The following ST6GALNAC3 variants were observed in gnomAD, a reference collection of about 807,000 sequenced individuals.
The protein encoded by ST6GALNAC3 is alpha-N-acetylgalactosaminide alpha-2,6-sialyltransferase 3.
Under a neutral mutation model 32.7 loss-of-function variants are expected in ST6GALNAC3, and 25 were observed. The ratio of observed to expected loss-of-function variants is 0.76; its 90% CI spans 0.56 to 1.07. The LOEUF is 1.07. Ranked by LOEUF, ST6GALNAC3 falls within the 50% of genes least tolerant of loss-of-function variation. ST6GALNAC3 has a pLI of 0.00. For synonymous variants in ST6GALNAC3, 129 were observed against 133.1 expected, an observed-to-expected ratio of 0.97 and a Z score of 0.21; for missense variants, 355 against 382.4, an observed-to-expected ratio of 0.93 and a Z score of 0.60.
At chr1:76,193,729 A>C (rs1030449251) in intron 1 of ST6GALNAC3, among the ~76,000 whole-genome samples, 2 of 152,184 alleles carry the variant, frequency 1.3e-5, no homozygotes, top group African/African-American at 4.8e-5. Flanking sequence ...AAAATACCAT[A>C]GACTAGGTGG....
intron 1 of ST6GALNAC3, chr1:76,309,885 C>T (rs974278131): frequency 2.2e-6 from 1 of 450,920 alleles, no homozygotes; most frequent in Non-Finnish European, 4.5e-6. Flanking sequence ...GAGAGGCAGA[C>T]ATGGGTTGCC....
chr1:76,161,350 C>G (rs1177168100), intron 1 of ST6GALNAC3, among the ~76,000 whole-genome samples: 1 of 152,150 alleles, frequency 6.6e-6, no homozygotes, highest in African/African-American at 2.4e-5. Context: ...TCTTTGCAAC[C>G]CCGAGGTTTT....
chr1:76,494,429 G>GTATGTATA (rs1660678886), intron 3 of ST6GALNAC3, among the ~76,000 whole-genome samples: 1 of 53,438 alleles, frequency 1.9e-5, no homozygotes, highest in Non-Finnish European at 3.6e-5. Context: ...GTGTGCATGT[G>GTATGTATA]TATATATATA....
In ST6GALNAC3 at chr1:76,554,978, G is replaced by A. The variant is rs1424296059; in HGVS notation, c.624-72474G>A. On this transcript the variant is annotated intron_variant, in intron 3 of 4. Coordinates refer to ENST00000328299, the MANE Select transcript of ST6GALNAC3 (RefSeq NM_152996.4). The stretch of plus-strand genomic sequence containing the variant: ...GAGGTTCAAAACAGTTAACTAATTT[G>A]CCCAAGGTACTATAAATATCTCCTT... Among the ~76,000 whole-genome samples the A allele has an allele frequency of 5.9e-5, 9 of 152,228 alleles. No homozygotes were observed. The South Asian group carries it at 1.2e-3, about 21-fold the overall frequency.
At chr1:76,571,682 G>C (rs2100494790) in intron 3 of ST6GALNAC3, among the ~76,000 whole-genome samples, 1 of 152,188 alleles carries the variant, frequency 6.6e-6, no homozygotes, top group South Asian at 2.1e-4. Context: ...GCCTGAGTGA[G>C]TTGAGTTGCT....
chr1:76,265,399 A>C (rs964615153), intron 1 of ST6GALNAC3, among the ~76,000 whole-genome samples: 4 of 152,172 alleles, frequency 2.6e-5, no homozygotes, highest in Admixed American at 6.5e-5. Context: ...TACAAAATTC[A>C]ACTGTAGCAT....
intron 1 of ST6GALNAC3, among the ~76,000 whole-genome samples, chr1:76,243,185 T>C (rs898988001): frequency 6.6e-6 from 1 of 152,234 alleles, no homozygotes; most frequent in Non-Finnish European, 1.5e-5. Context: ...TGGTTTTGAT[T>C]TGCATTTCTC....
chr1:76,381,758 T>G lies in ST6GALNAC3; in HGVS notation c.214-30250T>G, dbSNP rs1036963232. On this transcript the variant is annotated intron_variant, in intron 2 of 4. Transcript: ENST00000328299. ...CAGGAATTGCAGTGGGACTGGTAGA[T>G]GAAAATTCATGTTCAGGGATAATAA... Among the ~76,000 whole-genome samples, 2 of 152,180 alleles carry G rather than the reference T, an allele frequency of 1.3e-5. 1 individual carries two copies. The highest frequency in any genetic ancestry group is 2.9e-5 in the Non-Finnish European group (2 of 68,030).
intron 1 of ST6GALNAC3, among the ~76,000 whole-genome samples, chr1:76,147,064 CTTTT>C (rs35731973): frequency 1.5e-5 from 2 of 136,382 alleles, no homozygotes; most frequent in Admixed American, 7.4e-5. Flanking sequence ...CCCCCCACTT[CTTTT>C]TTTTTTTTTT....
intron 3 of ST6GALNAC3, among the ~76,000 whole-genome samples, chr1:76,424,033 CAA>C (rs1206738222): frequency 6.6e-6 from 1 of 151,902 alleles, no homozygotes; most frequent in East Asian, 1.9e-4. Flanking sequence ...AAATGCAAAA[CAA>C]AGAATGGTTG....
At chr1:76,511,165 T>G (rs1661835753) in intron 3 of ST6GALNAC3, among the ~76,000 whole-genome samples, 1 of 152,158 alleles carries the variant, frequency 6.6e-6, no homozygotes, top group African/African-American at 2.4e-5. Flanking sequence ...ACTCTTATCC[T>G]ACACCAAAGT....
rs1006258269 is a variant in ST6GALNAC3, at chr1:76,434,579, A to G, written c.623+22162A>G. On this transcript the variant is annotated intron_variant, in intron 3 of 4. Transcript: ENST00000328299. The stretch of plus-strand genomic sequence containing the variant: ...AAATAAATACAAAGTAGGATTATAA[A>G]AAAGTATTTTAGAAGAGGTAGCTAT... 5.3e-5 allele frequency among the ~76,000 whole-genome samples: 8 copies of G among 152,210 alleles called. No individual in the cohort carries two copies. The South Asian group carries it at 6.2e-4, about 12-fold the overall frequency.
chr1:76,406,212 A>G (rs973658103), intron 2 of ST6GALNAC3, among the ~76,000 whole-genome samples: 1 of 152,070 alleles, frequency 6.6e-6, no homozygotes, highest in African/African-American at 2.4e-5. Context: ...TTCAATGAAC[A>G]TTGATTCCCA....
At chr1:76,120,510 TCCTTTG>T (rs1557632349) in intron 1 of ST6GALNAC3, among the ~76,000 whole-genome samples, 4 of 152,214 alleles carry the variant, frequency 2.6e-5, no homozygotes, top group African/African-American at 7.2e-5. Context: ...ATAGAATGTC[TCCTTTG>T]ATCCTTGATA....
Position 76,596,494 on chromosome 1 carries a change from T to C in ST6GALNAC3, c.624-30958T>C, listed in dbSNP as rs112903101. Among the ~76,000 whole-genome samples, 884 of 152,310 alleles carry C rather than the reference T, an allele frequency of 5.8e-3. 6 individuals carry two copies. Among genetic ancestry groups the C allele is most frequent in the African/African-American group, 0.02 (836 of 41,580 alleles). On this transcript the variant is annotated intron_variant, in intron 3 of 4. Coordinates refer to ENST00000328299, the MANE Select transcript of ST6GALNAC3 (RefSeq NM_152996.4). ...GTATTAACTGAAAATAATTTCTTCT[T>C]GGATAAGCACTCACTTCTAACTACA...
At chr1:76,208,428 A>T (rs971235627) in intron 1 of ST6GALNAC3, among the ~76,000 whole-genome samples, 1 of 152,246 alleles carries the variant, frequency 6.6e-6, no homozygotes, top group Non-Finnish European at 1.5e-5. Context: ...CTATGAAAAG[A>T]TTTGGATCCA....
At chr1:76,381,187 G>GA (rs71588872) in intron 2 of ST6GALNAC3, among the ~76,000 whole-genome samples, 34,325 of 120,658 alleles carry the variant, frequency 0.28, 5,022 homozygotes, top group Admixed American at 0.4. Flanking sequence ...AAAAAAAAAA[G>GA]AAAAAAAAAA....
At chr1:76,516,424 G>A (rs1210058426) in intron 3 of ST6GALNAC3, among the ~76,000 whole-genome samples, 2 of 151,886 alleles carry the variant, frequency 1.3e-5, no homozygotes, top group African/African-American at 4.8e-5. Context: ...TTTATAATTG[G>A]CAATTAAAAA....
At chr1:76,625,284 A>G (rs1241044691) in intron 3 of ST6GALNAC3, among the ~76,000 whole-genome samples, 2 of 151,968 alleles carry the variant, frequency 1.3e-5, no homozygotes, top group Non-Finnish European at 2.9e-5. Flanking sequence ...TCAGTGGCAC[A>G]TAATAGGATC....
Sources: allele counts gnomAD v4.1 joint callset (sites outside exome capture counted in the v4.1 genomes callset), GRCh38; gene constraint gnomAD v4.1.1; transcripts MANE v1.5; gene names NCBI Gene and HGNC (gene_info 2026-07-23, HGNC 2026-07-21).